WDPCP: variants seen among roughly 807,000 people sequenced by gnomAD.
WDPCP encodes the protein WD repeat-containing and planar cell polarity effector protein fritz homolog.
A neutral mutation model predicts 93.1 loss-of-function variants in WDPCP; 71 were observed. The ratio of observed to expected loss-of-function variants is 0.76; its 90% CI spans 0.63 to 0.93. The LOEUF (loss-of-function observed/expected upper bound fraction) is 0.93, where lower values mean the gene tolerates loss of function less well. WDPCP is among the 40% of genes least tolerant of loss of function. The pLI is 0.00. For synonymous variants in WDPCP, 315 were observed against 315.0 expected, an observed-to-expected ratio of 1.00 and a Z score of 0.00; for missense variants, 844 against 887.4, an observed-to-expected ratio of 0.95 and a Z score of 0.62.
At chr2:63,736,397 G>T (rs901292360) in intron 2 of WDPCP, among the ~76,000 whole-genome samples, 2 of 152,160 alleles carry the variant, frequency 1.3e-5, no homozygotes, top group African/African-American at 4.8e-5. Flanking sequence ...TAAAACACTG[G>T]CTTAAATGCA....
chr2:63,750,636 G>C (rs1669865160), intron 2 of WDPCP, among the ~76,000 whole-genome samples: 1 of 152,092 alleles, frequency 6.6e-6, no homozygotes, highest in South Asian at 2.1e-4. Context: ...GTTAGCTCTA[G>C]GTTTTTGTGA....
chr2:63,191,397 A>G (rs1218707733), intron 14 of WDPCP, among the ~76,000 whole-genome samples: 3 of 152,002 alleles, frequency 2.0e-5, no homozygotes, highest in Non-Finnish European at 4.4e-5. Flanking sequence ...ATCTCAAAAG[A>G]AAAAAAAGAA....
intron 2 of WDPCP, among the ~76,000 whole-genome samples, chr2:63,754,077 T>C (rs1330910655): frequency 6.6e-6 from 1 of 152,162 alleles, no homozygotes; most frequent in Non-Finnish European, 1.5e-5. Context: ...AAGGGAGGGA[T>C]CTGAAATACA....
chr2:63,575,480 T>TATATACACTGTATATACA (rs1197221591), intron 1 of WDPCP, among the ~76,000 whole-genome samples: 1 of 49,474 alleles, frequency 2.0e-5, no homozygotes, highest in African/African-American at 9.6e-5. Context: ...GTATATACAG[T>TATATACACTGTATATACA]GTATATATAG....
chr2:63,264,205 G>A (rs897342186), intron 13 of WDPCP, among the ~76,000 whole-genome samples: 4 of 152,190 alleles, frequency 2.6e-5, no homozygotes, highest in Non-Finnish European at 4.4e-5. Flanking sequence ...TCTGGAAGAC[G>A]CAACTACATG....
intron 6 of WDPCP, among the ~76,000 whole-genome samples, chr2:63,460,313 C>A (rs536656821): frequency 6.6e-6 from 1 of 151,982 alleles, no homozygotes; most frequent in East Asian, 1.9e-4. Context: ...ATAGAAGGCA[C>A]AGATACCAAA....
intron 2 of WDPCP, among the ~76,000 whole-genome samples, chr2:63,492,053 C>A (rs1700909975): frequency 8.2e-6 from 1 of 122,180 alleles, no homozygotes; most frequent in Admixed American, 9.1e-5. Context: ...AAATTTCAAT[C>A]TTTATACATT....
intron 14 of WDPCP, among the ~76,000 whole-genome samples, chr2:63,226,162 A>T (rs1312675883): frequency 6.6e-6 from 1 of 151,840 alleles, no homozygotes; most frequent in Non-Finnish European, 1.5e-5. Context: ...GAGGCTTTAG[A>T]AAAATAAAGG....
chr2:63,597,299 T>TG (rs1157833734), intron 3 of WDPCP: 19 of 1,272,018 alleles, frequency 1.5e-5, no homozygotes, highest in Non-Finnish European at 1.9e-5. Context: ...TGTAAACACT[T>TG]GCAACAAGTG....
At chr2:63,631,330 A>C (rs571093855) in intron 3 of WDPCP, among the ~76,000 whole-genome samples, 1 of 152,272 alleles carries the variant, frequency 6.6e-6, no homozygotes, top group African/African-American at 2.4e-5. Context: ...GTGCTGAGAA[A>C]ATAATTTATA....
chr2:63,461,026 C>T (rs1698972824), intron 6 of WDPCP, among the ~76,000 whole-genome samples: 1 of 152,122 alleles, frequency 6.6e-6, no homozygotes, highest in Non-Finnish European at 1.5e-5. Context: ...GAGGAAGAGA[C>T]AACTGATAGT....
chr2:63,322,157 T>C (rs1202204668), intron 12 of WDPCP, among the ~76,000 whole-genome samples: 2 of 152,146 alleles, frequency 1.3e-5, no homozygotes, highest in Non-Finnish European at 2.9e-5. Context: ...TAAAGGATTG[T>C]AAATGCACCA....
At chr2:63,362,258 C>CTTTTTT (rs67493046) in intron 12 of WDPCP, among the ~76,000 whole-genome samples, 1 of 93,268 alleles carries the variant, frequency 1.1e-5, no homozygotes, top group Non-Finnish European at 1.9e-5. Flanking sequence ...GGTAGAATCC[C>CTTTTTT]TTTTTTTTTT....
chr2:63,320,771 G>A (rs956546955), intron 12 of WDPCP, among the ~76,000 whole-genome samples: 25 of 56,592 alleles, frequency 4.4e-4, no homozygotes, highest in Non-Finnish European at 2.2e-4. Flanking sequence ...GAGGAGTGAA[G>A]AAACAAAAAT....
intron 13 of WDPCP, among the ~76,000 whole-genome samples, chr2:63,263,101 C>T (rs1392553762): frequency 2.0e-5 from 3 of 152,048 alleles, no homozygotes; most frequent in African/African-American, 7.3e-5. Context: ...TAATTCCATG[C>T]CCCTGAGGTC....
intron 14 of WDPCP, among the ~76,000 whole-genome samples, chr2:63,255,445 G>C (rs1454858397): frequency 1.3e-5 from 2 of 152,132 alleles, no homozygotes; most frequent in Non-Finnish European, 2.9e-5. Context: ...GGTCATGAAG[G>C]CAGATCCCTC....
At chr2:63,769,559 G>T (rs754225745) in intron 2 of WDPCP, among the ~76,000 whole-genome samples, 1 of 151,814 alleles carries the variant, frequency 6.6e-6, no homozygotes, top group Admixed American at 6.6e-5. Flanking sequence ...TATTGGCCTC[G>T]TGAGGTTTTG....
chr2:63,162,743 T>C (rs968618446), intron 15 of WDPCP, among the ~76,000 whole-genome samples: 16 of 152,290 alleles, frequency 1.1e-4, no homozygotes, highest in South Asian at 2.1e-4. Context: ...ATGCAACTTA[T>C]GAAGTTTGAA....
intron 1 of WDPCP, among the ~76,000 whole-genome samples, chr2:63,540,070 T>C (rs1387404350): frequency 6.6e-6 from 1 of 152,190 alleles, no homozygotes; most frequent in Non-Finnish European, 1.5e-5. Flanking sequence ...TAGAAACTTT[T>C]CGGTATCACT....
Sources: gnomAD v4.1 joint callset for allele counts (sites outside exome capture counted in the v4.1 genomes callset) on GRCh38, gnomAD v4.1.1 for gene constraint, MANE v1.5 for transcripts, NCBI Gene and HGNC (gene_info 2026-07-23, HGNC 2026-07-21) for gene names.